ARHGEF3: variants seen among roughly 807,000 people sequenced by gnomAD.
ARHGEF3 encodes 59.8 kDA protein.
ARHGEF3 carries 28 observed loss-of-function variants against 63.2 expected under a neutral mutation model. That is an observed-to-expected ratio of 0.44 (90% CI 0.33 to 0.61). The LOEUF (loss-of-function observed/expected upper bound fraction) is 0.61, where lower values mean the gene tolerates loss of function less well. ARHGEF3 is among the 20% of genes least tolerant of loss of function. The pLI, the probability that ARHGEF3 is intolerant of heterozygous loss-of-function variation, is 0.03. For synonymous variants in ARHGEF3, 266 were observed against 254.2 expected (o/e 1.05, Z -0.44); for missense variants, 533 against 659.3 (o/e 0.81, Z 2.10).
intron 4 of ARHGEF3, among the ~76,000 whole-genome samples, chr3:56,845,608 T>C (rs1462947842): frequency 1.3e-5 from 2 of 152,236 alleles, no homozygotes; most frequent in Non-Finnish European, 2.9e-5. Flanking sequence ...ATATATGATG[T>C]TCCTTCATGA....
At chr3:57,025,604 C>T (rs978565658) in intron 2 of ARHGEF3, among the ~76,000 whole-genome samples, 3 of 152,236 alleles carry the variant, frequency 2.0e-5, no homozygotes, top group African/African-American at 7.2e-5. Flanking sequence ...TTTGCCCTAA[C>T]CCTTACCCTA....
At chr3:57,027,866 A>C (rs34147961) in intron 2 of ARHGEF3, among the ~76,000 whole-genome samples, 1 of 152,010 alleles carries the variant, frequency 6.6e-6, no homozygotes, top group Non-Finnish European at 1.5e-5. Flanking sequence ...CTCAAAAAAA[A>C]AATCAAAGGT....
chr3:56,921,117 T>C (rs907695275), intron 3 of ARHGEF3, among the ~76,000 whole-genome samples: 12 of 130,032 alleles, frequency 9.2e-5, no homozygotes, highest in African/African-American at 3.0e-4. Context: ...GTAATCCCAG[T>C]GGTTAGGGAG....
chr3:56,748,785 G>A (rs3772218), intron 6 of ARHGEF3, among the ~76,000 whole-genome samples: 52,317 of 151,822 alleles, frequency 0.34, 10,134 homozygotes, highest in African/African-American at 0.51. Context: ...CTCAGTAACC[G>A]GGGTAGTTCC....
At chr3:57,058,606 C>A (rs34990080) in intron 1 of ARHGEF3, among the ~76,000 whole-genome samples, 45,048 of 151,882 alleles carry the variant, frequency 0.3, 7,263 homozygotes, top group East Asian at 0.54. Flanking sequence ...GGATCTAGAA[C>A]TAGAAATACC....
intron 2 of ARHGEF3, among the ~76,000 whole-genome samples, chr3:56,967,937 ATATAT>A (rs1224571349): frequency 1.5e-5 from 1 of 66,154 alleles, no homozygotes; most frequent in Non-Finnish European, 2.6e-5. Context: ...ATAATATAAA[ATATAT>A]TATATATTAT....
intron 3 of ARHGEF3, among the ~76,000 whole-genome samples, chr3:56,924,034 C>T (rs78185710): frequency 0.055 from 8,348 of 152,124 alleles, 488 homozygotes; most frequent in African/African-American, 0.14. Flanking sequence ...TCCTGGAGAC[C>T]GTATAAGATA....
intron 8 of ARHGEF3, among the ~76,000 whole-genome samples, chr3:56,734,905 T>A (rs2033494476): frequency 2.6e-5 from 4 of 152,176 alleles, no homozygotes; most frequent in African/African-American, 9.7e-5. Context: ...ATGTACAGTA[T>A]TTGGAATAAT....
chr3:56,882,362 A>G, intron 3 of ARHGEF3: 1 of 1,551,718 alleles, frequency 6.4e-7, no homozygotes, highest in Non-Finnish European at 8.7e-7. Flanking sequence ...TCGCTGCAAA[A>G]CAAACGAAAA....
chr3:56,872,298 G>C (rs1578728339), intron 4 of ARHGEF3, among the ~76,000 whole-genome samples: 1 of 152,230 alleles, frequency 6.6e-6, no homozygotes, highest in Non-Finnish European at 1.5e-5. Flanking sequence ...CCACAATACA[G>C]TGTATGCTCT....
intron 2 of ARHGEF3, among the ~76,000 whole-genome samples, chr3:57,016,399 A>T (rs77480715): frequency 7.2e-6 from 1 of 138,370 alleles, no homozygotes; most frequent in African/African-American, 2.8e-5. Flanking sequence ...AAAAAAAAAA[A>T]TTAGCTGGGC....
intron 1 of ARHGEF3, among the ~76,000 whole-genome samples, chr3:56,799,982 A>G (rs533274223): frequency 5.3e-5 from 8 of 152,364 alleles, no homozygotes; most frequent in African/African-American, 1.9e-4. Context: ...AAAATAAGTC[A>G]TATTTTATAG....
rs1471488979 is a variant in ARHGEF3, at chr3:57,069,461, A to G, written c.-28+9765T>C. Reference sequence around the variant, plus strand: ...TCACCCCAGATGAGTTGAGGTATGAATGGATTTGAAGTTTCAAATGTAGTT... The same window carrying G: ...TCACCCCAGATGAGTTGAGGTATGAGTGGATTTGAAGTTTCAAATGTAGTT... On this transcript the variant is annotated intron_variant, in intron 1 of 12. Transcript: ENST00000338458. Among the ~76,000 whole-genome samples the G allele has an allele frequency of 2.0e-5, 3 of 152,162 alleles. No homozygotes were observed. The South Asian group carries it at 6.2e-4, about 32-fold the overall frequency.
intron 2 of ARHGEF3, among the ~76,000 whole-genome samples, chr3:56,760,481 C>T (rs1036935650): frequency 1.3e-5 from 2 of 152,278 alleles, no homozygotes; most frequent in East Asian, 1.9e-4. Flanking sequence ...TCTTGCTTTG[C>T]GTTTCCCTAG....
intron 4 of ARHGEF3, among the ~76,000 whole-genome samples, chr3:56,834,079 T>A (rs956630506): frequency 6.6e-6 from 1 of 151,968 alleles, no homozygotes; most frequent in African/African-American, 2.4e-5. Context: ...AATTTTTGTA[T>A]TTTTTAGTAG....
Position 56,795,874 on chromosome 3 carries a change from G to A in ARHGEF3, c.96+5829C>T, listed in dbSNP as rs1374935394. On this transcript the variant is annotated intron_variant, in intron 1 of 9. Coordinates refer to ENST00000296315, the MANE Select transcript of ARHGEF3 (RefSeq NM_019555.3). ...AGGCTGGTCTTGAACCCCTGACCTCGTGATCCGACCACCTCAGCCTCCAAG... is the reference window on the plus strand; with the variant it reads ...AGGCTGGTCTTGAACCCCTGACCTCATGATCCGACCACCTCAGCCTCCAAG... Among the ~76,000 whole-genome samples the A allele has an allele frequency of 8.6e-5, 13 of 151,796 alleles. 1 individual carries two copies. In the South Asian group the frequency reaches 2.3e-3, roughly 27 times the overall value.
chr3:56,820,034 T>A (rs532876266), intron 4 of ARHGEF3, among the ~76,000 whole-genome samples: 1 of 152,322 alleles, frequency 6.6e-6, no homozygotes, highest in South Asian at 2.1e-4. Flanking sequence ...GGTCTCAAAC[T>A]CCTGGGTTCA....
intron 1 of ARHGEF3, among the ~76,000 whole-genome samples, chr3:57,050,431 T>TG (rs1704624138): frequency 6.6e-6 from 1 of 152,198 alleles, no homozygotes; most frequent in African/African-American, 2.4e-5. Context: ...GGCAGCTCTA[T>TG]GCTGCCTATG....
intron 3 of ARHGEF3, among the ~76,000 whole-genome samples, chr3:56,935,274 G>A (rs1460509462): frequency 2.6e-5 from 4 of 152,128 alleles, no homozygotes; most frequent in Non-Finnish European, 5.9e-5. Flanking sequence ...TGATGGGGAC[G>A]TGGAGAACCT....
Sources: gnomAD v4.1 joint callset for allele counts (sites outside exome capture counted in the v4.1 genomes callset) on GRCh38, gnomAD v4.1.1 for gene constraint, MANE v1.5 for transcripts, NCBI Gene and HGNC (gene_info 2026-07-23, HGNC 2026-07-21) for gene names.